Variants in BCAR3 observed in about 807,000 individuals in gnomAD.
BCAR3 encodes BCAR3 adaptor protein, NSP family member.
In BCAR3, 37 loss-of-function variants were observed where a neutral mutation model predicts 80.1. The observed-to-expected ratio is 0.46, with a 90% CI of 0.36 to 0.61. BCAR3 has a LOEUF of 0.61. BCAR3 is among the 20% of genes least tolerant of loss of function. The probability of loss-of-function intolerance (pLI) is 0.00; values close to 1 mark genes in which losing one functional copy is unlikely to be tolerated. For missense variants in BCAR3, 978 were observed against 1,068.2 expected (o/e 0.92, Z 1.18); for synonymous variants, 389 against 418.9 (o/e 0.93, Z 0.87).
At chr1:93,768,894 C>T (rs1042509813) in intron 2 of BCAR3, among the ~76,000 whole-genome samples, 3 of 152,174 alleles carry the variant, frequency 2.0e-5, no homozygotes, top group Non-Finnish European at 2.9e-5. Context: ...GTAGGTCACC[C>T]GAGGGGACTG....
chr1:93,846,732 A>C (rs1037681955), intron 1 of BCAR3: 1 of 375,424 alleles, frequency 2.7e-6, no homozygotes, highest in Non-Finnish European at 5.2e-6. Context: ...CCGCCCACGC[A>C]GTCGCGGGCC....
Position 93,790,803 on chromosome 1 carries a change from C to G in BCAR3, c.-63+54764G>C, listed in dbSNP as rs1295481896. ...TATCTCCCAATGCTATCCCTCCCCC[C>G]TCCCCCGACCCCACCACAGTCCCCA... On this transcript the variant is annotated intron_variant, in intron 2 of 13. Transcript: ENST00000370244. Among the ~76,000 whole-genome samples the G allele has an allele frequency of 7.1e-4, 61 of 86,294 alleles. 1 individual carries two copies. Among genetic ancestry groups the G allele is most frequent in the African/African-American group, 3.3e-3 (59 of 18,148 alleles). 56.6% of individuals were successfully genotyped at this position (86,294 alleles called of 152,430 possible).
chr1:93,732,720 G>A (rs1011604069), intron 2 of BCAR3, among the ~76,000 whole-genome samples: 1 of 152,324 alleles, frequency 6.6e-6, no homozygotes, highest in South Asian at 2.1e-4. Context: ...CCCCCTAGGG[G>A]AGATCCCACC....
At chr1:93,723,309 G>A (rs565443034) in intron 2 of BCAR3, 1 of 152,422 alleles carries the variant, frequency 6.6e-6, no homozygotes, top group South Asian at 2.1e-4. Context: ...CCTGCATGGT[G>A]ACAGGCTTGC....
intron 2 of BCAR3, among the ~76,000 whole-genome samples, chr1:93,796,309 T>G: frequency 7.3e-6 from 1 of 137,198 alleles, no homozygotes; most frequent in African/African-American, 3.1e-5. Context: ...ATCAGCGAGA[T>G]TCCGTGGGTG....
chr1:93,737,114 T>C (rs12123957), intron 2 of BCAR3, among the ~76,000 whole-genome samples: 34,666 of 152,116 alleles, frequency 0.23, 5,047 homozygotes, highest in East Asian at 0.46. Context: ...TGGAGTGCTG[T>C]GGTCAGATTT....
chr1:93,737,331 G>A (rs567934574), intron 2 of BCAR3, among the ~76,000 whole-genome samples: 62 of 152,254 alleles, frequency 4.1e-4, no homozygotes, highest in African/African-American at 1.4e-3. Flanking sequence ...AATTAGTTAC[G>A]ATGAGGACAT....
At chr1:93,660,824 C>T (rs1647613253) in intron 2 of BCAR3, among the ~76,000 whole-genome samples, 1 of 152,278 alleles carries the variant, frequency 6.6e-6, no homozygotes, top group Non-Finnish European at 1.5e-5. Flanking sequence ...AAGCGATTCT[C>T]CTGCCTCAGC....
chr1:93,570,754 A>C (rs1462062953), intron 9 of BCAR3, among the ~76,000 whole-genome samples: 1 of 152,242 alleles, frequency 6.6e-6, no homozygotes, highest in African/African-American at 2.4e-5. Context: ...CTGGTGACCC[A>C]GATGGAGGCA....
chr1:93,645,760 T>A (rs937068844), intron 2 of BCAR3, among the ~76,000 whole-genome samples: 1 of 150,130 alleles, frequency 6.7e-6, no homozygotes, highest in African/African-American at 2.4e-5. Flanking sequence ...TATAAATATA[T>A]AATTTTATAA....
chr1:93,635,300 A>C (rs1675745852), intron 3 of BCAR3, among the ~76,000 whole-genome samples: 1 of 141,132 alleles, frequency 7.1e-6, no homozygotes, highest in African/African-American at 3.2e-5. Context: ...ACTTTTTTCC[A>C]GTTGAAGGAC....
chr1:93,758,356 G>A (rs963164598), intron 2 of BCAR3, among the ~76,000 whole-genome samples: 3 of 152,228 alleles, frequency 2.0e-5, no homozygotes, highest in African/African-American at 7.2e-5. Context: ...GCCAGTGGCT[G>A]GAAAAGAACA....
intron 2 of BCAR3, among the ~76,000 whole-genome samples, chr1:93,782,253 C>T (rs1388345244): frequency 6.6e-6 from 1 of 152,190 alleles, no homozygotes; most frequent in Admixed American, 6.5e-5. Flanking sequence ...AGCAGATATG[C>T]TCATCTTGGG....
In BCAR3 at chr1:93,821,598, T is replaced by C. The variant is rs1176407306; in HGVS notation, c.-63+23969A>G. Among the ~76,000 whole-genome samples, 6 of 152,330 alleles carry C rather than the reference T, an allele frequency of 3.9e-5. No individual in the cohort carries two copies. The East Asian group carries it at 9.6e-4, about 24-fold the overall frequency. The stretch of plus-strand genomic sequence containing the variant: ...GAGCAAACGTCTTGGAATCACATTT[T>C]GGCATGAGGTCACTCTATTTGTATT... On this transcript the variant is annotated intron_variant, in intron 2 of 13. Transcript: ENST00000370244.
At chr1:93,646,602 CA>C (rs34089294) in intron 2 of BCAR3, 7,694 of 69,278 alleles carry the variant, frequency 0.11, 268 homozygotes, top group African/African-American at 0.22. Context: ...AACTCCGTCT[CA>C]AAAAAAAAAA....
At chr1:93,823,573 T>C (rs1654293456) in intron 2 of BCAR3, among the ~76,000 whole-genome samples, 1 of 135,274 alleles carries the variant, frequency 7.4e-6, no homozygotes, top group Admixed American at 7.6e-5. Context: ...GGCAAAATAC[T>C]GACTGTACTT....
chr1:93,755,793 G>A (rs1021248063), intron 2 of BCAR3, among the ~76,000 whole-genome samples: 10 of 152,226 alleles, frequency 6.6e-5, no homozygotes, highest in African/African-American at 1.7e-4. Context: ...ATGTGTGTGC[G>A]TGCATGCAAA....
At chr1:93,611,603 C>T (rs1011505710) in intron 3 of BCAR3, among the ~76,000 whole-genome samples, 4 of 152,198 alleles carry the variant, frequency 2.6e-5, no homozygotes, top group South Asian at 2.1e-4. Context: ...GCCAGCACAT[C>T]CCTGATCCTT....
intron 3 of BCAR3, among the ~76,000 whole-genome samples, chr1:93,639,392 G>A (rs1345299686): frequency 6.6e-6 from 1 of 151,980 alleles, no homozygotes; most frequent in Non-Finnish European, 1.5e-5. Context: ...GCAGGAGGCA[G>A]TCCCAGACCT....
Sources: gnomAD v4.1 joint callset for allele counts (sites outside exome capture counted in the v4.1 genomes callset) on GRCh38, gnomAD v4.1.1 for gene constraint, MANE v1.5 for transcripts, NCBI Gene and HGNC (gene_info 2026-07-23, HGNC 2026-07-21) for gene names.